DIP2C: variants seen among roughly 807,000 people sequenced by gnomAD.
DIP2C encodes the protein disco-interacting protein 2 homolog C.
In DIP2C, 33 loss-of-function variants were observed where a neutral mutation model predicts 192.4. The observed-to-expected ratio is 0.17, with a 90% CI of 0.13 to 0.23. The LOEUF (loss-of-function observed/expected upper bound fraction) is 0.23, where lower values mean the gene tolerates loss of function less well. Among genes scored for constraint, DIP2C ranks in the 10% least tolerant of loss-of-function variants. DIP2C has a pLI of 1.00. For missense variants in DIP2C, 1,537 were observed against 2,110.1 expected (o/e 0.73, Z 5.32); for synonymous variants, 979 against 864.1 (o/e 1.13, Z -2.33).
rs1588542896 is a variant in DIP2C at position 592,167 on chromosome 10, ATT to A, written c.85+97325_85+97326del. ...GATATTTCTGCTAATTAGGAAGCAT[ATT>A]AATATAAAGTGAATTCCAAGTGTAA... is the stretch of plus-strand genomic sequence containing the variant. On this transcript the variant is annotated intron_variant, in intron 1 of 36. Coordinates refer to ENST00000280886, the MANE Select transcript of DIP2C (RefSeq NM_014974.3). Among the ~76,000 whole-genome samples the A allele has an allele frequency of 3.9e-5, 6 of 152,208 alleles. No individual in the cohort carries two copies. The East Asian group carries it at 5.8e-4, about 15-fold the overall frequency.
chr10:573,486 G>C (rs559624044), intron 1 of DIP2C, among the ~76,000 whole-genome samples: 15 of 152,324 alleles, frequency 9.8e-5, no homozygotes, highest in African/African-American at 3.6e-4. Context: ...TCCACTCACT[G>C]CAAGCTCCGC....
intron 32 of DIP2C, among the ~76,000 whole-genome samples, chr10:304,132 G>A (rs1208356191): frequency 6.6e-6 from 1 of 152,166 alleles, no homozygotes; most frequent in Non-Finnish European, 1.5e-5. Flanking sequence ...CGGCTTCACA[G>A]GTGTCTATTA....
intron 13 of DIP2C, among the ~76,000 whole-genome samples, chr10:388,859 G>A (rs938177216): frequency 8.5e-5 from 13 of 152,222 alleles, no homozygotes; most frequent in African/African-American, 2.2e-4. Context: ...GCCCTGTCAG[G>A]AGCCTGGTCA....
At chr10:553,930 G>T (rs1848711405) in intron 1 of DIP2C, among the ~76,000 whole-genome samples, 1 of 150,918 alleles carries the variant, frequency 6.6e-6, no homozygotes, top group Non-Finnish European at 1.5e-5. Context: ...TAACAGTGGT[G>T]AACAGGCAAG....
Position 651,487 on chromosome 10 carries a change from A to T in DIP2C, c.85+38007T>A. 4 of 600,626 alleles carry T rather than the reference A, an allele frequency of 6.7e-6. No homozygotes were observed. Among genetic ancestry groups the T allele is most frequent in the Non-Finnish European group, 1.2e-5 (4 of 328,818 alleles). The allele number at this position is 600,626 out of a possible 1,614,324, so 37.2% of individuals were successfully genotyped here. A position where few individuals can be genotyped will look rare whatever the true frequency, so the allele number is the denominator to read the frequency against. ...GTAGAATGTATGAGTAACAATTACA[A>T]TTATATGAAAATCCGTATCCACGTG... On this transcript the variant is annotated intron_variant, in intron 1 of 36. Coordinates refer to ENST00000280886, the MANE Select transcript of DIP2C (RefSeq NM_014974.3). The surrounding 1 kb of genome is among the most constrained non-coding windows in gnomAD (Gnocchi z 4.1).
chr10:329,499 C>T lies in DIP2C; in HGVS notation c.3687G>A (p.Thr1229=), dbSNP rs545100814. The T allele has an allele frequency of 3.1e-6, 5 of 1,614,174 alleles. No individual in the cohort carries two copies. Among genetic ancestry groups the T allele is most frequent in the East Asian group, 4.5e-5 (2 of 44,882 alleles). The part of the protein sequence containing the change: ...LAVSQYKVRD[T]FCSYSVMELC... Reference sequence around the variant, plus strand: ...GCTCCATCACGGAGTAGGAGCAAAACGTGTCTCGGACTTTGTACTGACTCA... The same window carrying T: ...GCTCCATCACGGAGTAGGAGCAAAATGTGTCTCGGACTTTGTACTGACTCA... The change falls in exon 30 of 37, where the codon ACG becomes ACA. Residue 1229 remains threonine (T), a synonymous_variant. Transcript: ENST00000280886.
At position 519,810 on chromosome 10, in the gene DIP2C, G is replaced by A. The variant is rs571145619; in HGVS notation, c.86-33280C>T. 7.9e-5 allele frequency among the ~76,000 whole-genome samples: 12 copies of A among 152,332 alleles called. 1 individual carries two copies. In the Middle Eastern group the frequency reaches 0.01, roughly 130 times the overall value. ...CGCAGTCTTGAAGCACAGCTGTGAC[G>A]TGGAGACAGATCCCAGGCCTCCCCC... On this transcript the variant is annotated intron_variant, in intron 1 of 36. Transcript: ENST00000280886.
chr10:300,288 G>A (rs1308373763), intron 32 of DIP2C, among the ~76,000 whole-genome samples: 2 of 152,144 alleles, frequency 1.3e-5, no homozygotes, highest in African/African-American at 2.4e-5. Flanking sequence ...TGGTATATAC[G>A]TACAAGGAAA....
intron 10 of DIP2C, among the ~76,000 whole-genome samples, chr10:398,815 A>G (rs1372059349): frequency 6.6e-6 from 1 of 151,698 alleles, no homozygotes. Flanking sequence ...AAAAAAAACT[A>G]TCATTTACCC....
intron 6 of DIP2C, 83 bp downstream of exon 6, chr10:418,982 A>C: frequency 6.3e-7 from 1 of 1,579,066 alleles, no homozygotes. Context: ...CCCAGGAAGA[A>C]ACACATCCAG....
At chr10:302,451 G>A (rs1956096837) in intron 32 of DIP2C, among the ~76,000 whole-genome samples, 2 of 152,182 alleles carry the variant, frequency 1.3e-5, no homozygotes, top group African/African-American at 4.8e-5. Context: ...AGGGACGGGG[G>A]AGTGAGGGTG....
rs1564551252 is a variant in DIP2C, at chr10:321,541, GCGAGAGACCGGCGC to G, written c.3924+5451_3924+5464del. Reference sequence around the variant, plus strand: ...TCAGGGAAGGCCTGCGGGGGCTCCAGCGAGAGACCGGCGCTGTTAGAACAGTCAGTCGGGGGTGC... The same window carrying G: ...TCAGGGAAGGCCTGCGGGGGCTCCAGTGTTAGAACAGTCAGTCGGGGGTGC... On this transcript the variant is annotated intron_variant, in intron 31 of 36. Transcript: ENST00000280886. Among the ~76,000 whole-genome samples the G allele has an allele frequency of 5.1e-3, 587 of 115,552 alleles. 29 individuals are homozygous for G. Among genetic ancestry groups the G allele is most frequent in the African/African-American group, 0.013 (423 of 32,688 alleles). The allele number at this position is 115,552 out of a possible 152,430, so 75.8% of individuals were successfully genotyped here. A position where few individuals can be genotyped will look rare whatever the true frequency, so the allele number is the denominator to read the frequency against.
intron 31 of DIP2C, among the ~76,000 whole-genome samples, chr10:323,296 GGGGCTCCA>G (rs1210641427): frequency 2.1e-5 from 2 of 96,060 alleles, no homozygotes; most frequent in Non-Finnish European, 4.2e-5. Flanking sequence ...TCGGGGGTGC[GGGGCTCCA>G]GCGAGAGACC....
intron 1 of DIP2C, among the ~76,000 whole-genome samples, chr10:496,388 G>C (rs1844838647): frequency 7.2e-6 from 1 of 138,386 alleles, no homozygotes; most frequent in African/African-American, 3.0e-5. Context: ...CCCCAAACAT[G>C]AGTGCTGACT....
intron 2 of DIP2C, among the ~76,000 whole-genome samples, chr10:473,287 GA>G: frequency 6.6e-6 from 1 of 152,332 alleles, no homozygotes; most frequent in Middle Eastern, 3.4e-3. Context: ...GCCCCCAAAG[GA>G]AGGACATCAT....
At chr10:619,532 C>CAGGGCCAGGGCCAGG (rs750101870) in intron 1 of DIP2C, among the ~76,000 whole-genome samples, 2 of 40,750 alleles carry the variant, frequency 4.9e-5, no homozygotes, top group Non-Finnish European at 1.0e-4. Flanking sequence ...GGACCAAGCC[C>CAGGGCCAGGGCCAGG]GCCCGCCCGC....
rs1372379546 is a variant in DIP2C at position 408,981 on chromosome 10, C to T, written c.1094G>A (p.Ser365Asn). 2.5e-6 allele frequency: 4 copies of T among 1,614,084 alleles called. No homozygotes were observed. The highest frequency in any genetic ancestry group is 3.4e-6 in the Non-Finnish European group (4 of 1,180,044). ...LWTRSMKVAY[S>N]ILHKLGTKQE... ...CTTTGTGCCTAATTTGTGTAGAATG[C>T]TGTAAGCGACCTTCATACTTCTTGT... Residue 365 changes from serine (S) to asparagine (N), a missense_variant, in exon 9 of 37, where the codon AGC (serine) becomes AAC (asparagine). This residue lies in a region of DIP2C where 473 missense variants were observed against 539.6 expected (regional missense o/e 0.88). Transcript: ENST00000280886.
Position 558,174 on chromosome 10 carries a change from G to C in DIP2C, c.86-71644C>G, listed in dbSNP as rs569618617. Among the ~76,000 whole-genome samples the C allele has an allele frequency of 2.6e-5, 4 of 152,274 alleles. No individual in the cohort carries two copies. The South Asian group carries it at 8.3e-4, about 32-fold the overall frequency. On this transcript the variant is annotated intron_variant, in intron 1 of 36. Transcript: ENST00000280886. ...ACGCTGTTCCCCAAATACTAACTAT[G>C]ATAAAGACTAGACAGCATCTGAGTA...
Position 277,189 on chromosome 10 carries a change from C to T in DIP2C, c.*136G>A. On this transcript the variant is annotated 3_prime_UTR_variant, in exon 37 of 37. Coordinates refer to ENST00000280886, the MANE Select transcript of DIP2C (RefSeq NM_014974.3). ...GTGGCTGCTGTGAGAAGTCCTCTTC[C>T]TCCTCCTCTTCCTCCTCCACTCTCA... 1 of 1,341,620 alleles carries T rather than the reference C, an allele frequency of 7.5e-7. No individual in the cohort carries two copies. Among genetic ancestry groups the T allele is most frequent in the Non-Finnish European group, 1.0e-6 (1 of 988,638 alleles). The allele number at this position is 1,341,620 out of a possible 1,614,324, so 83.1% of individuals were successfully genotyped here.
Sources: gnomAD v4.1 joint callset for allele counts (sites outside exome capture counted in the v4.1 genomes callset) on GRCh38, gnomAD v4.1.1 for gene constraint, gnomAD v4.1.1 regional missense constraint, Gnocchi (gnomAD v3.1) non-coding constraint, MANE v1.5 for transcripts, NCBI Gene and HGNC (gene_info 2026-07-23, HGNC 2026-07-21) for gene names.